ASTN2: variants seen among roughly 807,000 people sequenced by gnomAD.
The protein encoded by ASTN2 is astrotactin-2.
Under a neutral mutation model 139.8 loss-of-function variants are expected in ASTN2, and 54 were observed. That is an observed-to-expected ratio of 0.39 (90% CI 0.31 to 0.48). ASTN2 has a LOEUF of 0.48. ASTN2 is among the 20% of genes least tolerant of loss of function. The probability of loss-of-function intolerance (pLI) is 0.95; values close to 1 mark genes in which losing one functional copy is unlikely to be tolerated. For synonymous variants in ASTN2, 756 were observed against 719.5 expected, an observed-to-expected ratio of 1.05 and a Z score of -0.81; for missense variants, 1,565 against 1,725.1, an observed-to-expected ratio of 0.91 and a Z score of 1.64.
chr9:116,814,366 G>A (rs547036924), intron 12 of ASTN2, among the ~76,000 whole-genome samples: 5 of 152,078 alleles, frequency 3.3e-5, no homozygotes, highest in East Asian at 1.9e-4. Flanking sequence ...TTCTCTGAGC[G>A]GTCTTGGGTT....
intron 1 of ASTN2, among the ~76,000 whole-genome samples, chr9:117,394,679 C>T (rs958888868): frequency 1.3e-5 from 2 of 152,138 alleles, no homozygotes; most frequent in Non-Finnish European, 2.9e-5. Context: ...GGACACAGCT[C>T]GAGCAAAGTC....
At chr9:117,410,832 A>G (rs1831138217) in intron 1 of ASTN2, among the ~76,000 whole-genome samples, 1 of 152,150 alleles carries the variant, frequency 6.6e-6, no homozygotes, top group Non-Finnish European at 1.5e-5. Flanking sequence ...TTGACATCCA[A>G]GAGTCATGAA....
At chr9:117,102,498 A>G (rs943949475) in intron 4 of ASTN2, among the ~76,000 whole-genome samples, 1 of 152,138 alleles carries the variant, frequency 6.6e-6, no homozygotes, top group Non-Finnish European at 1.5e-5. Context: ...ACTAAATGCC[A>G]CTGAATTATA....
intron 12 of ASTN2, among the ~76,000 whole-genome samples, chr9:116,806,386 C>G (rs184736378): frequency 2.5e-4 from 38 of 152,302 alleles, no homozygotes; most frequent in African/African-American, 9.1e-4. Context: ...ATGGACAAAA[C>G]AGGCATCTGA....
At chr9:117,407,611 C>T (rs990281738) in intron 1 of ASTN2, among the ~76,000 whole-genome samples, 4 of 152,222 alleles carry the variant, frequency 2.6e-5, no homozygotes, top group African/African-American at 9.6e-5. Flanking sequence ...AGTTTTGAAT[C>T]TTGCATTGTG....
At chr9:116,607,029 GAC>G (rs1443450042) in intron 19 of ASTN2, among the ~76,000 whole-genome samples, 1 of 152,138 alleles carries the variant, frequency 6.6e-6, no homozygotes, top group East Asian at 1.9e-4. Context: ...TGATAAAGGT[GAC>G]ACAGAAGCAA....
intron 19 of ASTN2, among the ~76,000 whole-genome samples, chr9:116,564,724 T>A (rs1480611726): frequency 1.3e-5 from 2 of 152,202 alleles, no homozygotes; most frequent in Admixed American, 6.5e-5. Context: ...TTTCCTTCAT[T>A]ACTTCATTTA....
intron 12 of ASTN2, among the ~76,000 whole-genome samples, chr9:116,807,849 C>T (rs897101687): frequency 6.6e-5 from 10 of 151,890 alleles, no homozygotes; most frequent in African/African-American, 1.5e-4. Flanking sequence ...CAGTGGCTCA[C>T]GCCTGTAATC....
intron 13 of ASTN2, among the ~76,000 whole-genome samples, chr9:116,769,161 C>T (rs1829892024): frequency 6.6e-6 from 1 of 152,152 alleles, no homozygotes; most frequent in African/African-American, 2.4e-5. Context: ...TGGGAAGTAT[C>T]TAAAGAGGCA....
Position 116,780,843 on chromosome 9 carries a change from C to CTTT in ASTN2, c.2396+24786_2396+24788dup, listed in dbSNP as rs35531108. 2.1e-3 allele frequency among the ~76,000 whole-genome samples: 304 copies of CTTT among 144,828 alleles called. 2 individuals are homozygous for CTTT. The highest frequency in any genetic ancestry group is 6.1e-3 in the South Asian group (28 of 4,572). ...TGAATGAATGAATGAATGTCAAATT[C>CTTT]TTTTTTTTTTTTTGAGATGGTGTTT... On this transcript the variant is annotated intron_variant, in intron 13 of 22. Coordinates refer to ENST00000313400, the MANE Select transcript of ASTN2 (RefSeq NM_001365068.1).
intron 5 of ASTN2, among the ~76,000 whole-genome samples, chr9:117,068,844 C>A (rs10983496): frequency 1.4e-4 from 16 of 117,042 alleles, no homozygotes; most frequent in East Asian, 3.2e-4. Flanking sequence ...TCTGTGGGAT[C>A]GGTGGTGATA....
intron 1 of ASTN2, among the ~76,000 whole-genome samples, chr9:117,395,481 C>G (rs1336001727): frequency 2.6e-5 from 4 of 152,264 alleles, no homozygotes; most frequent in Non-Finnish European, 2.9e-5. Flanking sequence ...CTTGGCAGCC[C>G]GCTCACACAC....
chr9:116,870,136 T>A (rs1478634602), intron 10 of ASTN2, among the ~76,000 whole-genome samples: 6 of 151,604 alleles, frequency 4.0e-5, no homozygotes, highest in African/African-American at 1.2e-4. Context: ...TCAAAAAAAA[T>A]AAAAAATAAA....
intron 5 of ASTN2, among the ~76,000 whole-genome samples, chr9:117,089,685 C>T (rs1828655824): frequency 6.6e-6 from 1 of 150,402 alleles, no homozygotes; most frequent in Non-Finnish European, 1.5e-5. Context: ...CCCCCTCCCA[C>T]CCTTCCCCCC....
At chr9:117,193,403 G>C (rs1363613569) in intron 3 of ASTN2, among the ~76,000 whole-genome samples, 1 of 152,088 alleles carries the variant, frequency 6.6e-6, no homozygotes, top group Non-Finnish European at 1.5e-5. Flanking sequence ...ACTCTGGGAG[G>C]CTGAGGTGGT....
chr9:117,261,028 T>C (rs1833810890), intron 2 of ASTN2, among the ~76,000 whole-genome samples: 1 of 152,214 alleles, frequency 6.6e-6, no homozygotes, highest in African/African-American at 2.4e-5. Context: ...GTGAAGACAT[T>C]ATGCTCAGTA....
rs1045366962 is a variant in ASTN2, at chr9:116,965,832, C to A, written c.1889+9376G>T. ...GGGTAGATGGATGGGGTCTTGAGGT[C>A]AGAAGTCTATGTTCAAATTCTAATT... On this transcript the variant is annotated intron_variant, in intron 10 of 22. Coordinates refer to ENST00000313400, the MANE Select transcript of ASTN2 (RefSeq NM_001365068.1). Among the ~76,000 whole-genome samples the A allele has an allele frequency of 6.6e-5, 10 of 152,134 alleles. No homozygotes were observed. The South Asian group carries it at 2.1e-3, about 31-fold the overall frequency.
chr9:116,890,925 T>A (rs900622892), intron 10 of ASTN2, among the ~76,000 whole-genome samples: 58 of 152,182 alleles, frequency 3.8e-4, no homozygotes, highest in African/African-American at 1.4e-3. Flanking sequence ...AAATTCCATT[T>A]GGTCTCAGCG....
chr9:117,287,865 T>C (rs1029615153), intron 2 of ASTN2, among the ~76,000 whole-genome samples: 5 of 152,236 alleles, frequency 3.3e-5, no homozygotes, highest in Middle Eastern at 3.2e-3. Context: ...TGTATGTTTT[T>C]TCCACTCTTT....
Sources: allele counts gnomAD v4.1 joint callset (sites outside exome capture counted in the v4.1 genomes callset), GRCh38; gene constraint gnomAD v4.1.1; transcripts MANE v1.5; gene names NCBI Gene and HGNC (gene_info 2026-07-23, HGNC 2026-07-21).